The following ZMAT5 variants were observed in gnomAD, a reference collection of about 807,000 sequenced individuals.
ZMAT5 encodes the protein zinc finger matrin-type 5, also known as zinc finger matrin-type protein 5.
In ZMAT5, 23 loss-of-function variants were observed where a neutral mutation model predicts 28.0. The observed-to-expected ratio is 0.82, with a 90% CI of 0.59 to 1.16. ZMAT5 has a LOEUF of 1.16. Among genes scored for constraint, ZMAT5 ranks in the 50% most tolerant of loss-of-function variants. The probability of loss-of-function intolerance (pLI) is 0.00; values close to 1 mark genes in which losing one functional copy is unlikely to be tolerated. For synonymous variants in ZMAT5, 76 were observed against 84.1 expected (o/e 0.90, Z 0.52); for missense variants, 173 against 212.7 (o/e 0.81, Z 1.16).
chr22:29,732,353 A>T (rs2067855668), intron 5 of ZMAT5, among the ~76,000 whole-genome samples: 1 of 152,236 alleles, frequency 6.6e-6, no homozygotes, highest in Non-Finnish European at 1.5e-5. Context: ...CCAAGGAAAT[A>T]GCAGGGTTGT....
chr22:29,734,519 C>A (rs2067885690), intron 5 of ZMAT5, among the ~76,000 whole-genome samples: 1 of 152,238 alleles, frequency 6.6e-6, no homozygotes, highest in Admixed American at 6.5e-5. Flanking sequence ...CGAACAGCAG[C>A]CTAAATGCTC....
At chr22:29,742,955 C>T (rs1172227657) in intron 2 of ZMAT5, among the ~76,000 whole-genome samples, 1 of 151,976 alleles carries the variant, frequency 6.6e-6, no homozygotes, top group Non-Finnish European at 1.5e-5. Context: ...CCATGCCCAG[C>T]TAATATTTTT....
chr22:29,760,375 C>A (rs1378073503), intron 1 of ZMAT5, among the ~76,000 whole-genome samples: 477 of 98,170 alleles, frequency 4.9e-3, no homozygotes, highest in Admixed American at 6.7e-3. Flanking sequence ...TCCTCTGTCT[C>A]AAAAAAAAAA....
At chr22:29,739,210 G>T (rs1262359568) in intron 4 of ZMAT5, among the ~76,000 whole-genome samples, 1 of 151,482 alleles carries the variant, frequency 6.6e-6, no homozygotes, top group African/African-American at 2.5e-5. Context: ...GTTGCTCAAC[G>T]AATTAAAACC....
intron 1 of ZMAT5, among the ~76,000 whole-genome samples, chr22:29,766,213 C>T (rs1176344065): frequency 6.6e-6 from 1 of 152,122 alleles, no homozygotes. Context: ...ATGAGCTGAC[C>T]GGAGTCAACC....
chr22:29,742,547 G>C, intron 2 of ZMAT5, 67 bp from the exon 3 acceptor site: 2 of 1,470,022 alleles, frequency 1.4e-6, no homozygotes, highest in Non-Finnish European at 1.9e-6. Context: ...GGAAGTGGAA[G>C]CCACAGGGGC....
intron 1 of ZMAT5, among the ~76,000 whole-genome samples, chr22:29,759,262 G>A (rs131279): frequency 1.3e-5 from 2 of 151,828 alleles, no homozygotes; most frequent in East Asian, 3.9e-4. Flanking sequence ...TCTGCCTCCC[G>A]CTTCTTCTCT....
intron 2 of ZMAT5, among the ~76,000 whole-genome samples, chr22:29,743,859 C>G (rs188425529): frequency 1.3e-5 from 2 of 152,306 alleles, no homozygotes; most frequent in Admixed American, 1.3e-4. Flanking sequence ...ACCCTTATAT[C>G]CACCCCAGGG....
intron 1 of ZMAT5, among the ~76,000 whole-genome samples, chr22:29,750,096 G>A (rs1401117204): frequency 6.6e-6 from 1 of 152,218 alleles, no homozygotes; most frequent in Non-Finnish European, 1.5e-5. Flanking sequence ...GGGCAGGTTT[G>A]TGTTTTGTTT....
chr22:29,734,822 T>A (rs1225536759), intron 5 of ZMAT5, among the ~76,000 whole-genome samples: 1 of 106,252 alleles, frequency 9.4e-6, no homozygotes, highest in Non-Finnish European at 2.1e-5. Context: ...TCAGGGAGGG[T>A]CCCCCGCCCC....
intron 1 of ZMAT5, among the ~76,000 whole-genome samples, chr22:29,759,683 T>A (rs1038885937): frequency 6.6e-6 from 1 of 152,026 alleles, no homozygotes; most frequent in African/African-American, 2.4e-5. Flanking sequence ...GATGGGAGGA[T>A]CACTGGAGCC....
chr22:29,748,342 C>T, intron 2 of ZMAT5, 76 bp downstream of exon 2: 2 of 1,604,908 alleles, frequency 1.2e-6, no homozygotes, highest in Non-Finnish European at 1.7e-6. Flanking sequence ...TGTCACTGAC[C>T]CACAGGAGTC....
At chr22:29,739,461 G>A (rs1174042592) in intron 4 of ZMAT5, among the ~76,000 whole-genome samples, 1 of 152,194 alleles carries the variant, frequency 6.6e-6, no homozygotes, top group Non-Finnish European at 1.5e-5. Context: ...GGCTGTACAG[G>A]TGTCATCTTG....
intron 4 of ZMAT5, among the ~76,000 whole-genome samples, chr22:29,739,031 G>C (rs927367788): frequency 5.3e-5 from 8 of 151,496 alleles, no homozygotes; most frequent in Non-Finnish European, 1.2e-4. Context: ...AAAAGAGAGA[G>C]AGAGCCTGGC....
chr22:29,754,009 G>A (rs1193228074), intron 1 of ZMAT5, among the ~76,000 whole-genome samples: 10 of 151,772 alleles, frequency 6.6e-5, no homozygotes, highest in Non-Finnish European at 8.8e-5. Flanking sequence ...GCAGAATGCC[G>A]GCTGGAGTTC....
chr22:29,748,718 G>T, intron 1 of ZMAT5, 147 bp from the exon 2 acceptor site: 1 of 1,038,332 alleles, frequency 9.6e-7, no homozygotes, highest in Non-Finnish European at 1.4e-6. Context: ...TGATGAGTAT[G>T]GCCTAAGAGG....
intron 2 of ZMAT5, chr22:29,748,162 C>G: frequency 1.9e-6 from 1 of 514,636 alleles, no homozygotes; most frequent in Non-Finnish European, 3.5e-6. Flanking sequence ...TAGCTTTCCC[C>G]TATTTTAGCT....
At chr22:29,766,189 T>C (rs1232884271) in intron 1 of ZMAT5, among the ~76,000 whole-genome samples, 2 of 151,974 alleles carry the variant, frequency 1.3e-5, no homozygotes. Flanking sequence ...GTAAGGTGGG[T>C]TCCAAGGCCA....
chr22:29,748,650 G>A, intron 1 of ZMAT5, 79 bp from the exon 2 acceptor site: 1 of 1,551,700 alleles, frequency 6.4e-7, no homozygotes, highest in Admixed American at 1.9e-5. Context: ...CTTCCTGAGG[G>A]CCAGGCCTGA....
Sources: allele counts gnomAD v4.1 joint callset (sites outside exome capture counted in the v4.1 genomes callset), GRCh38; gene constraint gnomAD v4.1.1; transcripts MANE v1.5; gene names NCBI Gene and HGNC (gene_info 2026-07-23, HGNC 2026-07-21).